The following USP54 variants were observed in gnomAD, a reference collection of about 807,000 sequenced individuals.
The protein encoded by USP54 is ubiquitin carboxyl-terminal hydrolase 54.
Under a neutral mutation model 170.5 loss-of-function variants are expected in USP54, and 87 were observed. The observed-to-expected ratio is 0.51, with a 90% confidence interval of 0.43 to 0.61. USP54 has a LOEUF of 0.61. Among genes scored for constraint, USP54 ranks in the 20% least tolerant of loss-of-function variants. The pLI, the probability that USP54 is intolerant of heterozygous loss-of-function variation, is 0.00. For synonymous variants in USP54, 655 were observed against 742.8 expected (o/e 0.88, Z 1.92); for missense variants, 1,786 against 2,047.8 (o/e 0.87, Z 2.47).
intron 19 of USP54, 158 bp downstream of exon 19, chr10:73,519,639 G>A: frequency 8.9e-7 from 1 of 1,124,720 alleles, no homozygotes; most frequent in Non-Finnish European, 1.2e-6. Context: ...GCAGTACAAT[G>A]AGCTTTTCAC....
intron 4 of USP54, among the ~76,000 whole-genome samples, chr10:73,564,495 T>G (rs1488512425): frequency 1.3e-5 from 2 of 152,232 alleles, no homozygotes; most frequent in African/African-American, 4.8e-5. Flanking sequence ...ATTGATTTAT[T>G]TGCCATACTG....
chr10:73,585,114 T>C (rs1437610953), intron 1 of USP54, among the ~76,000 whole-genome samples: 1 of 152,230 alleles, frequency 6.6e-6, no homozygotes, highest in Non-Finnish European at 1.5e-5. Flanking sequence ...AGAAAATTAA[T>C]AGATGGATTT....
intron 5 of USP54, among the ~76,000 whole-genome samples, 159 bp from the exon 6 acceptor site, chr10:73,543,290 A>C (rs1450244604): frequency 6.6e-6 from 1 of 152,208 alleles, no homozygotes; most frequent in Non-Finnish European, 1.5e-5. Context: ...AATTCATAGC[A>C]AGTTTCAAAA....
chr10:73,617,839 G>A (rs1256044955), intron 1 of USP54, among the ~76,000 whole-genome samples: 1 of 149,922 alleles, frequency 6.7e-6, no homozygotes. Context: ...GAGTCCAGGA[G>A]GCAAAAGCTG....
rs2066973556 is a variant in USP54 at position 73,543,125 on chromosome 10, G to A, written c.382C>T (p.Leu128Phe). 1.9e-6 allele frequency: 3 copies of A among 1,610,798 alleles called. No homozygotes were observed. Among genetic ancestry groups the A allele is most frequent in the African/African-American group, 1.3e-5 (1 of 74,938 alleles). The change falls in exon 6 of 24, where the codon CTC becomes TTC. Residue 128 changes from leucine (L) to phenylalanine (F), a missense_variant. Physicochemically the swap from Leu to Phe is conservative, Grantham distance 22 (BLOSUM62 0). Coordinates refer to ENST00000687698, the MANE Select transcript of USP54 (RefSeq NM_001391956.1). Reference sequence around the variant, plus strand: ...ATGTGGAAGTGAATTCTCATCAGGAGGTTTTCCTGACAGGGAAAGAACAAA... The same window carrying A: ...ATGTGGAAGTGAATTCTCATCAGGAAGTTTTCCTGACAGGGAAAGAACAAA... ...MDDAAECFEN[L>F]LMRIHFHIAD...
intron 1 of USP54, among the ~76,000 whole-genome samples, chr10:73,622,988 T>A (rs2081212810): frequency 6.6e-6 from 1 of 151,978 alleles, no homozygotes; most frequent in Non-Finnish European, 1.5e-5. Flanking sequence ...CCAGTGAATT[T>A]TCTCCTCAAA....
intron 7 of USP54, among the ~76,000 whole-genome samples, chr10:73,542,585 T>C (rs1237746234): frequency 6.6e-6 from 1 of 151,946 alleles, no homozygotes; most frequent in Non-Finnish European, 1.5e-5. Context: ...ATTAGCGCAG[T>C]GTGTACTATT....
intron 1 of USP54, among the ~76,000 whole-genome samples, chr10:73,577,517 A>C (rs936937367): frequency 2.2e-4 from 33 of 152,108 alleles, no homozygotes; most frequent in Non-Finnish European, 2.4e-4. Context: ...ATATGACTAC[A>C]TGAAATGAAA....
intron 23 of USP54, 78 bp from the exon 24 acceptor site, chr10:73,499,266 T>C: frequency 7.1e-7 from 1 of 1,404,638 alleles, no homozygotes; most frequent in Non-Finnish European, 9.6e-7. Context: ...TGCCTAGCTG[T>C]GTAGCCCAAT....
chr10:73,520,807 G>T, intron 18 of USP54, 101 bp downstream of exon 18: 1 of 1,530,230 alleles, frequency 6.5e-7, no homozygotes, highest in Admixed American at 1.8e-5. Context: ...AGAGTGAGGA[G>T]ACACAAAAAC....
In USP54 at chr10:73,520,964, T is replaced by A; in HGVS notation, c.2426A>T (p.His809Leu). 6.2e-7 allele frequency: 1 copy of A among 1,614,222 alleles called. No individual in the cohort carries two copies. The highest frequency in any genetic ancestry group is 1.1e-5 in the South Asian group (1 of 91,090). ...EAESVFEESLHLEQKGDCAAA... is the reference protein window; with the variant it reads ...EAESVFEESLLLEQKGDCAAA... ...AGCACAGTCTCCTTTCTGTTCCAGA[T>A]GTAGTGACTCTTCAAACACTGACTC... The change falls in exon 18 of 24, where the codon CAT becomes CTT. Residue 809 changes from histidine (H) to leucine (L), a missense_variant. His to Leu is a moderately conservative substitution (Grantham distance 99). Around this residue, in one of 3 missense-constraint regions of USP54, gnomAD observed 1,418 missense variants for 1,569.0 expected, o/e 0.90. Coordinates refer to ENST00000687698, the MANE Select transcript of USP54 (RefSeq NM_001391956.1).
At chr10:73,589,554 C>T (rs2077973227) in intron 1 of USP54, among the ~76,000 whole-genome samples, 1 of 152,248 alleles carries the variant, frequency 6.6e-6, no homozygotes, top group East Asian at 1.9e-4. Flanking sequence ...ATCACTAAGA[C>T]TTTTTAAACA....
intron 1 of USP54, chr10:73,611,610 G>C (rs2080150622): frequency 6.6e-6 from 1 of 150,890 alleles, no homozygotes; most frequent in Admixed American, 6.6e-5. Context: ...GGTCGACATG[G>C]TGAAACCCCG....
chr10:73,541,334 G>T, intron 9 of USP54, 41 bp downstream of exon 9: 2 of 1,612,056 alleles, frequency 1.2e-6, no homozygotes, highest in South Asian at 1.1e-5. Flanking sequence ...ATACTAAGAC[G>T]CAAGAACTCA....
chr10:73,556,311 T>A (rs888502360), intron 4 of USP54, among the ~76,000 whole-genome samples: 2 of 151,990 alleles, frequency 1.3e-5, no homozygotes, highest in Admixed American at 1.3e-4. Context: ...AAGGAATGGA[T>A]TAATAATGAA....
At chr10:73,525,746 T>C (rs77809782) in intron 16 of USP54, among the ~76,000 whole-genome samples, 6,248 of 152,342 alleles carry the variant, frequency 0.041, 396 homozygotes, top group African/African-American at 0.14. Flanking sequence ...TCTGCCTCTA[T>C]AGGCATTGTT....
At chr10:73,515,505 A>ACTC (rs2133273382) in intron 20 of USP54, among the ~76,000 whole-genome samples, 1 of 152,308 alleles carries the variant, frequency 6.6e-6, no homozygotes, top group South Asian at 2.1e-4. Context: ...TTCACTCTGT[A>ACTC]TTATCTCAGT....
intron 9 of USP54, among the ~76,000 whole-genome samples, chr10:73,540,665 T>C (rs1590183497): frequency 5.3e-5 from 8 of 152,296 alleles, no homozygotes; most frequent in African/African-American, 1.9e-4. Flanking sequence ...ACAGGCAGAA[T>C]CATTGCACAC....
At chr10:73,524,461 T>C (rs993961324) in intron 16 of USP54, among the ~76,000 whole-genome samples, 3 of 151,934 alleles carry the variant, frequency 2.0e-5, no homozygotes, top group African/African-American at 7.3e-5. Flanking sequence ...GCGCCTGTTA[T>C]CCCAGCTACT....
Sources: gnomAD v4.1 joint callset for allele counts (sites outside exome capture counted in the v4.1 genomes callset) on GRCh38, gnomAD v4.1.1 for gene constraint, gnomAD v4.1.1 regional missense constraint, MANE v1.5 for transcripts, NCBI Gene and HGNC (gene_info 2026-07-23, HGNC 2026-07-21) for gene names.